CPLANE1: variants seen among roughly 807,000 people sequenced by gnomAD.
The protein encoded by CPLANE1 is ciliogenesis and planar polarity effector 1.
In CPLANE1, 263 loss-of-function variants were observed where a neutral mutation model predicts 362.5. That is an observed-to-expected ratio of 0.73 (90% CI 0.66 to 0.80). CPLANE1 has a LOEUF of 0.80. Among genes scored for constraint, CPLANE1 ranks in the 30% least tolerant of loss-of-function variants. CPLANE1 has a pLI of 0.00. For synonymous variants in CPLANE1, 1,212 were observed against 1,302.6 expected (o/e 0.93, Z 1.50); for missense variants, 3,461 against 3,793.4 (o/e 0.91, Z 2.30).
chr5:37,107,373 A>G lies in CPLANE1; in HGVS notation c.*229T>C. ...AAAATTATGCCTAATGATGCATCAA[A>G]TACAAAAACATATAATACATCAATA... On this transcript the variant is annotated 3_prime_UTR_variant, in exon 53 of 53. Transcript: ENST00000651892. 1 of 1,233,978 alleles carries G rather than the reference A, an allele frequency of 8.1e-7. No individual in the cohort carries two copies. Among genetic ancestry groups the G allele is most frequent in the Middle Eastern group, 3.1e-4 (1 of 3,178 alleles). 76.4% of individuals were successfully genotyped at this position (1,233,978 alleles called of 1,614,324 possible).
intron 16 of CPLANE1, 31 bp from the exon 17 acceptor site, chr5:37,206,456 A>G (rs748246160): frequency 1.5e-6 from 2 of 1,354,294 alleles, no homozygotes; most frequent in Non-Finnish European, 1.0e-6. Context: ...ATGGATTATT[A>G]CAATCACATC....
intron 21 of CPLANE1, among the ~76,000 whole-genome samples, chr5:37,189,533 A>G (rs578198868): frequency 6.6e-6 from 1 of 152,348 alleles, no homozygotes; most frequent in South Asian, 2.1e-4. Flanking sequence ...ACTAAGGCCA[A>G]GAACTAGCAA....
At chr5:37,166,940 C>A in intron 35 of CPLANE1, 107 bp downstream of exon 35, 1 of 817,940 alleles carries the variant, frequency 1.2e-6, no homozygotes. Flanking sequence ...ACTGAATGTG[C>A]AATTGTGTAT....
chr5:37,128,399 T>C (rs1440555523), intron 46 of CPLANE1, among the ~76,000 whole-genome samples: 1 of 152,184 alleles, frequency 6.6e-6, no homozygotes, highest in East Asian at 1.9e-4. Context: ...AATTTGTATC[T>C]TAAAGCCCTG....
the CPLANE1 span, among the ~76,000 whole-genome samples, chr5:37,086,814 G>A: frequency 6.6e-6 from 1 of 152,308 alleles, no homozygotes; most frequent in Non-Finnish European, 1.5e-5. Context: ...CATAATATCT[G>A]TGTCAGTGTA....
intron 12 of CPLANE1, among the ~76,000 whole-genome samples, chr5:37,225,282 T>G (rs1796207165): frequency 6.6e-6 from 1 of 150,696 alleles, no homozygotes; most frequent in Admixed American, 6.6e-5. Context: ...TCAGGCAAGG[T>G]CTCCTCCTGT....
chr5:37,159,019 C>T (rs1371983270), intron 38 of CPLANE1, among the ~76,000 whole-genome samples: 16 of 149,210 alleles, frequency 1.1e-4, no homozygotes, highest in Admixed American at 2.7e-4. Context: ...CTCCTGACCT[C>T]GTGATCCGCC....
At chr5:37,186,096 T>G (rs1783904192) in intron 24 of CPLANE1, among the ~76,000 whole-genome samples, 190 bp downstream of exon 24, 2 of 152,206 alleles carry the variant, frequency 1.3e-5, no homozygotes, top group Non-Finnish European at 2.9e-5. Context: ...CGAAGTCAGC[T>G]TCATCTGGTT....
At chr5:37,248,303 T>C (rs531886824) in intron 1 of CPLANE1, among the ~76,000 whole-genome samples, 2 of 148,520 alleles carry the variant, frequency 1.3e-5, no homozygotes, top group Admixed American at 1.3e-4. Flanking sequence ...AATTTTTTTG[T>C]ATTTTTAGTA....
chr5:37,164,124 T>C (rs1777611144), intron 37 of CPLANE1, 149 bp downstream of exon 37: 1 of 588,330 alleles, frequency 1.7e-6, no homozygotes, highest in African/African-American at 1.8e-5. Context: ...TTATCAAACC[T>C]GAGTTGAGGG....
intron 16 of CPLANE1, chr5:37,210,690 G>A (rs187125793): frequency 3.8e-6 from 6 of 1,572,980 alleles, no homozygotes; most frequent in East Asian, 2.2e-5. Flanking sequence ...ACTAAAAGAA[G>A]AGAGACTGGA....
chr5:37,097,892 T>TAC, the CPLANE1 span, among the ~76,000 whole-genome samples: 3 of 152,160 alleles, frequency 2.0e-5, no homozygotes, highest in African/African-American at 7.2e-5. Context: ...TTAAATGTCC[T>TAC]ACTTAAAAGA....
chr5:37,227,194 G>C, intron 11 of CPLANE1, 49 bp downstream of exon 11: 1 of 1,531,926 alleles, frequency 6.5e-7, no homozygotes, highest in Non-Finnish European at 8.8e-7. Flanking sequence ...ATGTTTCTTG[G>C]AATAAAGTCA....
chr5:37,246,152 CTTTT>C (rs11299594), intron 2 of CPLANE1: 13 of 130,064 alleles, frequency 1.0e-4, no homozygotes, highest in Non-Finnish European at 1.6e-4. Context: ...ACTTTTTAAT[CTTTT>C]TTTTTTTTTT....
At position 37,187,831 on chromosome 5, in the gene CPLANE1, C is replaced by T; in HGVS notation, c.3823G>A (p.Glu1275Lys). 1 of 1,612,434 alleles carries T rather than the reference C, an allele frequency of 6.2e-7. No homozygotes were observed. ...VSIRAIGCFR[E>K]LCALCWMLHV... ...AGCATCCAACACAGAGCACAAAGTT[C>T]TCTGAAGCAACCTAAAGCAGGAACA... is the stretch of plus-strand genomic sequence containing the variant. The change falls in exon 22 of 53, where the codon GAA becomes AAA. Residue 1275 changes from glutamate to lysine, a missense_variant. Physicochemically the swap from Glu to Lys is moderately conservative, Grantham distance 56. Coordinates refer to ENST00000651892, the MANE Select transcript of CPLANE1 (RefSeq NM_001384732.1).
rs143917473 is a variant in CPLANE1 at position 37,240,307 on chromosome 5, G to A, written c.678-438C>T. 3.9e-3 allele frequency among the ~76,000 whole-genome samples: 600 copies of A among 152,094 alleles called. 5 individuals are homozygous for A. The highest frequency in any genetic ancestry group is 0.014 in the African/African-American group (571 of 41,472). The stretch of plus-strand genomic sequence containing the variant: ...GGAGGTCGCAGTGAGCCAAGATCAC[G>A]CCACTGCACTCCAGCCTGGGCGACA... On this transcript the variant is annotated intron_variant, in intron 6 of 52. Transcript: ENST00000651892.
chr5:37,135,446 T>C (rs907375627), intron 46 of CPLANE1, among the ~76,000 whole-genome samples: 10 of 152,184 alleles, frequency 6.6e-5, no homozygotes, highest in Admixed American at 6.5e-4. Context: ...AAGAAACTTA[T>C]AATCATCGCG....
At chr5:37,109,429 C>A (rs1758478321) in intron 51 of CPLANE1, among the ~76,000 whole-genome samples, 1 of 152,156 alleles carries the variant, frequency 6.6e-6, no homozygotes, top group Non-Finnish European at 1.5e-5. Context: ...TCTAACACAC[C>A]TCTGCTCTCC....
At chr5:37,101,087 T>G in the CPLANE1 span, among the ~76,000 whole-genome samples, 22 of 152,322 alleles carry the variant, frequency 1.4e-4, no homozygotes, top group African/African-American at 5.3e-4. Context: ...CTCTTCCTAT[T>G]TGAATATGCT....
Sources: gnomAD v4.1 joint callset for allele counts (sites outside exome capture counted in the v4.1 genomes callset) on GRCh38, gnomAD v4.1.1 for gene constraint, MANE v1.5 for transcripts, NCBI Gene and HGNC (gene_info 2026-07-23, HGNC 2026-07-21) for gene names.